SYT9: variants seen among roughly 807,000 people sequenced by gnomAD.
The protein encoded by SYT9 is synaptotagmin-9.
A neutral mutation model predicts 48.4 loss-of-function variants in SYT9; 22 were observed. The ratio of observed to expected loss-of-function variants is 0.45; its 90% CI spans 0.32 to 0.65. The LOEUF (loss-of-function observed/expected upper bound fraction) is 0.65, where lower values mean the gene tolerates loss of function less well. Ranked by LOEUF, SYT9 falls within the 30% of genes least tolerant of loss-of-function variation. The pLI, the probability that SYT9 is intolerant of heterozygous loss-of-function variation, is 0.03. For missense variants in SYT9, 577 were observed against 622.0 expected (o/e 0.93, Z 0.77); for synonymous variants, 265 against 245.0 (o/e 1.08, Z -0.76).
At chr11:7,249,649 A>T (rs1019486862), upstream of SYT9, among the ~76,000 whole-genome samples, 2 of 152,170 alleles carry the variant, frequency 1.3e-5, no homozygotes, top group Admixed American at 6.5e-5. Flanking sequence ...AACAGCAAAA[A>T]CACATATTGG....
intron 6 of SYT9, among the ~76,000 whole-genome samples, chr11:7,432,578 AAAAAATATATATACAT>A (rs1847615661): frequency 4.8e-3 from 43 of 9,028 alleles, no homozygotes; most frequent in Non-Finnish European, 5.6e-3. Flanking sequence ...AAAAAAAAAA[AAAAAATATATATACAT>A]ATATATATAT....
intron 6 of SYT9, among the ~76,000 whole-genome samples, chr11:7,432,537 G>T: frequency 1.8e-5 from 2 of 112,258 alleles, no homozygotes; most frequent in African/African-American, 3.4e-5. Flanking sequence ...ACAAGAGTGA[G>T]ACTCCATCTC....
intron 3 of SYT9, among the ~76,000 whole-genome samples, chr11:7,409,411 A>C (rs1847089604): frequency 6.6e-6 from 1 of 152,038 alleles, no homozygotes; most frequent in African/African-American, 2.4e-5. Context: ...AGGTCTTTCC[A>C]CTTTCGTTTT....
chr11:7,290,630 T>C (rs888355787), intron 1 of SYT9, among the ~76,000 whole-genome samples: 1 of 152,238 alleles, frequency 6.6e-6, no homozygotes, highest in African/African-American at 2.4e-5. Context: ...GAGTAAGGAA[T>C]AGTTATAAAA....
chr11:7,264,848 A>G (rs937848057), intron 1 of SYT9, among the ~76,000 whole-genome samples: 4 of 152,136 alleles, frequency 2.6e-5, no homozygotes, highest in African/African-American at 7.2e-5. Flanking sequence ...AGAGAGTGAC[A>G]GTAAGCGAGC....
chr11:7,345,692 A>G (rs1849787453), intron 3 of SYT9, among the ~76,000 whole-genome samples: 1 of 152,248 alleles, frequency 6.6e-6, no homozygotes, highest in African/African-American at 2.4e-5. Context: ...AAACAGTTGT[A>G]TAGACTAGGC....
chr11:7,367,132 A>G lies in SYT9; in HGVS notation c.1045-48910A>G, dbSNP rs1186096540. On this transcript the variant is annotated intron_variant, in intron 3 of 6. Coordinates refer to ENST00000318881, the MANE Select transcript of SYT9 (RefSeq NM_175733.4). Reference sequence around the variant, plus strand: ...AGCCTCGCTCTGTCACCCAGGCTGGAGTGCAGTGGCGCAATCTCGGCTCAC... The same window carrying G: ...AGCCTCGCTCTGTCACCCAGGCTGGGGTGCAGTGGCGCAATCTCGGCTCAC... Among the ~76,000 whole-genome samples, 3 of 111,186 alleles carry G rather than the reference A, an allele frequency of 2.7e-5. No homozygotes were observed. The East Asian group carries it at 9.3e-4, about 34-fold the overall frequency. The allele number at this position is 111,186 out of a possible 152,430, so 72.9% of individuals were successfully genotyped here.
rs1043103226 is a variant in SYT9 at position 7,251,951 on chromosome 11, G to A, written c.-236G>A. 6 of 424,538 alleles carry A rather than the reference G, an allele frequency of 1.4e-5. No homozygotes were observed. Among genetic ancestry groups the A allele is most frequent in the Admixed American group, 1.4e-4 (3 of 22,020 alleles). 26.3% of individuals were successfully genotyped at this position (424,538 alleles called of 1,614,324 possible). Reference sequence around the variant, plus strand: ...CTCTCCTCGGTGTCTGGGGAGGGACGGAGGGACCGGGCGGGAGAGAGAGAA... The same window carrying A: ...CTCTCCTCGGTGTCTGGGGAGGGACAGAGGGACCGGGCGGGAGAGAGAGAA... On this transcript the variant is annotated 5_prime_UTR_variant, in exon 1 of 7. Coordinates refer to ENST00000318881, the MANE Select transcript of SYT9 (RefSeq NM_175733.4).
intron 3 of SYT9, among the ~76,000 whole-genome samples, chr11:7,365,677 C>A (rs1003750877): frequency 2.6e-5 from 4 of 152,198 alleles, no homozygotes; most frequent in African/African-American, 9.6e-5. Context: ...TTTTCACTGG[C>A]CTCTGGTTCT....
intron 2 of SYT9, among the ~76,000 whole-genome samples, chr11:7,306,251 C>T (rs1004289408): frequency 6.6e-6 from 1 of 152,150 alleles, no homozygotes; most frequent in African/African-American, 2.4e-5. Flanking sequence ...ATAGAAGGAA[C>T]CTTGAAAGGC....
chr11:7,312,266 T>C (rs921030256), intron 2 of SYT9, among the ~76,000 whole-genome samples: 2 of 152,222 alleles, frequency 1.3e-5, no homozygotes, highest in African/African-American at 2.4e-5. Context: ...ATTCCATTTT[T>C]ACGTCTTTAT....
chr11:7,416,480 A>G (rs1847251901), intron 4 of SYT9, among the ~76,000 whole-genome samples: 1 of 152,244 alleles, frequency 6.6e-6, no homozygotes, highest in Admixed American at 6.5e-5. Flanking sequence ...TATTACATTT[A>G]GCCTTCTATA....
chr11:7,387,233 T>C (rs969435479), intron 3 of SYT9, among the ~76,000 whole-genome samples: 4 of 151,906 alleles, frequency 2.6e-5, no homozygotes, highest in African/African-American at 9.7e-5. Flanking sequence ...GGGTGCAGCA[T>C]ACCAACATGG....
chr11:7,451,844 G>C (rs1202524637), intron 6 of SYT9, among the ~76,000 whole-genome samples: 1 of 152,154 alleles, frequency 6.6e-6, no homozygotes, highest in Non-Finnish European at 1.5e-5. Context: ...AATGAGTCCT[G>C]ATGACACTGT....
chr11:7,297,121 A>G (rs1848828689), intron 1 of SYT9, among the ~76,000 whole-genome samples: 1 of 152,056 alleles, frequency 6.6e-6, no homozygotes, highest in African/African-American at 2.4e-5. Flanking sequence ...AGAGAGAGAG[A>G]GAGAGATCAG....
intron 3 of SYT9, among the ~76,000 whole-genome samples, chr11:7,391,371 G>T (rs1203395989): frequency 6.6e-6 from 1 of 152,046 alleles, no homozygotes; most frequent in East Asian, 1.9e-4. Context: ...AGTTCTTTGA[G>T]AAATCATCAA....
At chr11:7,279,803 TG>T (rs1848460995) in intron 1 of SYT9, among the ~76,000 whole-genome samples, 3 of 152,224 alleles carry the variant, frequency 2.0e-5, no homozygotes, top group Non-Finnish European at 4.4e-5. Flanking sequence ...TTTTTATATA[TG>T]ATTGTGACCC....
chr11:7,466,302 A>G (rs571667992), intron 6 of SYT9, among the ~76,000 whole-genome samples: 2 of 152,202 alleles, frequency 1.3e-5, no homozygotes, highest in Non-Finnish European at 2.9e-5. Flanking sequence ...GCAGTATTCT[A>G]TGCAGCTTCT....
chr11:7,468,262 A>G lies in SYT9; in HGVS notation c.*1462A>G, dbSNP rs1011317714. 1.5e-5 allele frequency: 6 copies of G among 398,564 alleles called. No individual in the cohort carries two copies. The highest frequency in any genetic ancestry group is 2.7e-5 in the Non-Finnish European group (6 of 226,086). The allele number at this position is 398,564 out of a possible 1,614,324, so 24.7% of individuals were successfully genotyped here. On this transcript the variant is annotated 3_prime_UTR_variant, in exon 7 of 7. Transcript: ENST00000318881. ...CTAACTGGGCGGAGGAAGGATCGTT[A>G]TACGTCTTCAGAAAGTTCTCATTGC...
Sources: allele counts gnomAD v4.1 joint callset (sites outside exome capture counted in the v4.1 genomes callset), GRCh38; gene constraint gnomAD v4.1.1; transcripts MANE v1.5; gene names NCBI Gene and HGNC (gene_info 2026-07-23, HGNC 2026-07-21).